Variants in TEKTL1 observed in about 807,000 individuals in gnomAD.
TEKTL1 encodes tektin-like protein 1.
At chr19:15,013,629 G>C in the TEKTL1 span, 1 of 1,453,380 alleles carries the variant, frequency 6.9e-7, no homozygotes, top group Non-Finnish European at 9.6e-7. Flanking sequence ...TCTCTTCCCA[G>C]CCCTTTCTTA....
the TEKTL1 span, chr19:15,013,586 C>G: frequency 2.1e-6 from 2 of 962,684 alleles, no homozygotes; most frequent in Non-Finnish European, 3.1e-6. Context: ...GTTTATGAGG[C>G]TGGCAAACCC....
chr19:15,019,951 G>T, the TEKTL1 span, among the ~76,000 whole-genome samples: 1 of 148,888 alleles, frequency 6.7e-6, no homozygotes, highest in East Asian at 2.0e-4. Context: ...TGTGCAACAT[G>T]TGTCTCAAAA....
the TEKTL1 span, among the ~76,000 whole-genome samples, chr19:15,014,241 C>T: frequency 6.6e-6 from 1 of 152,212 alleles, no homozygotes; most frequent in Non-Finnish European, 1.5e-5. Flanking sequence ...AGAACTTCTT[C>T]ATGAGGGCAC....
the TEKTL1 span, chr19:15,021,610 C>T: frequency 1.9e-6 from 3 of 1,613,780 alleles, no homozygotes; most frequent in South Asian, 1.1e-5. Context: ...GCTTCCCTGC[C>T]CCCAGGAAAG....
At chr19:15,015,200 G>A in the TEKTL1 span, among the ~76,000 whole-genome samples, 15 of 152,138 alleles carry the variant, frequency 9.9e-5, no homozygotes, top group African/African-American at 3.4e-4. Context: ...GAGAGTGAGA[G>A]AGAGAGGTGG....
At chr19:15,016,525 T>C in the TEKTL1 span, among the ~76,000 whole-genome samples, 1 of 152,200 alleles carries the variant, frequency 6.6e-6, no homozygotes, top group Non-Finnish European at 1.5e-5. Context: ...CCCCACCACC[T>C]GGCACATCGC....
the TEKTL1 span, among the ~76,000 whole-genome samples, chr19:15,016,191 T>C: frequency 7.2e-6 from 1 of 138,914 alleles, no homozygotes; most frequent in East Asian, 2.0e-4. Flanking sequence ...TGTCCTTTTT[T>C]TTTTTTTTTT....
the TEKTL1 span, chr19:15,021,636 A>G: frequency 6.2e-7 from 1 of 1,614,140 alleles, no homozygotes; most frequent in Non-Finnish European, 8.5e-7. Context: ...ATATGACGTT[A>G]GGACTGATGA....
chr19:15,013,439 G>T, the TEKTL1 span, among the ~76,000 whole-genome samples: 3 of 152,062 alleles, frequency 2.0e-5, no homozygotes, highest in Non-Finnish European at 4.4e-5. Flanking sequence ...GTAAAAGAGA[G>T]ACGCCCCCAA....
the TEKTL1 span, among the ~76,000 whole-genome samples, chr19:15,014,719 TCA>T: frequency 0.17 from 6,895 of 39,894 alleles, 364 homozygotes; most frequent in African/African-American, 0.25. Flanking sequence ...GGCAGGAGAC[TCA>T]GTGGGGGGGC....
At chr19:15,016,493 G>T in the TEKTL1 span, among the ~76,000 whole-genome samples, 4 of 152,162 alleles carry the variant, frequency 2.6e-5, no homozygotes, top group Non-Finnish European at 5.9e-5. Flanking sequence ...GGCCTGGACT[G>T]CTGTCTTGCT....
the TEKTL1 span, among the ~76,000 whole-genome samples, chr19:15,020,162 G>T: frequency 6.6e-6 from 1 of 151,638 alleles, no homozygotes; most frequent in South Asian, 2.1e-4. Context: ...TTTAAAAATA[G>T]CAAGGCATGG....
At chr19:15,011,134 C>G in the TEKTL1 span, 1 of 1,524,992 alleles carries the variant, frequency 6.6e-7, no homozygotes, top group Non-Finnish European at 8.8e-7. Flanking sequence ...TGAAGCCGCC[C>G]GCCTGGTACG....
chr19:15,014,622 G>A, the TEKTL1 span, among the ~76,000 whole-genome samples: 9 of 150,218 alleles, frequency 6.0e-5, no homozygotes, highest in Admixed American at 1.3e-4. Flanking sequence ...TATATTTCAC[G>A]TAGCAAAGCT....
At chr19:15,018,623 G>A in the TEKTL1 span, among the ~76,000 whole-genome samples, 3 of 148,996 alleles carry the variant, frequency 2.0e-5, no homozygotes. Context: ...TGAGGTGGGA[G>A]GATCGCTTGA....
chr19:15,018,715 A>ATATATATATATATATATATATATATATAT, the TEKTL1 span, among the ~76,000 whole-genome samples: 1 of 68,250 alleles, frequency 1.5e-5, no homozygotes, highest in African/African-American at 4.2e-5. Context: ...CCTATCTCAA[A>ATATATATATATATATATATATATATATAT]ATATGTATAT....
the TEKTL1 span, chr19:15,013,682 A>T: frequency 6.2e-7 from 1 of 1,612,850 alleles, no homozygotes; most frequent in African/African-American, 1.3e-5. Context: ...GTCCCTGACA[A>T]AGCTGACAGT....
At chr19:15,014,580 A>G in the TEKTL1 span, among the ~76,000 whole-genome samples, 1 of 151,930 alleles carries the variant, frequency 6.6e-6, no homozygotes, top group African/African-American at 2.4e-5. Flanking sequence ...TTAAAAAAGC[A>G]TTGGACCTTG....
the TEKTL1 span, among the ~76,000 whole-genome samples, chr19:15,015,658 G>T: frequency 6.6e-6 from 1 of 152,094 alleles, no homozygotes; most frequent in Non-Finnish European, 1.5e-5. Flanking sequence ...AAATTCTGGA[G>T]GTGGATTGCA....
Sources: gnomAD v4.1 joint callset for allele counts (sites outside exome capture counted in the v4.1 genomes callset) on GRCh38, gnomAD v4.1.1 for gene constraint, MANE v1.5 for transcripts, NCBI Gene and HGNC (gene_info 2026-07-23, HGNC 2026-07-21) for gene names.